Variants in EXOC4 observed in about 807,000 individuals in gnomAD.
The protein encoded by EXOC4 is exocyst complex component 4, also known as SEC8-like 1.
Under a neutral mutation model 107.2 loss-of-function variants are expected in EXOC4, and 71 were observed. That is an observed-to-expected ratio of 0.66 (90% CI 0.55 to 0.81). The LOEUF (loss-of-function observed/expected upper bound fraction) is 0.81, where lower values mean the gene tolerates loss of function less well. Ranked by LOEUF, EXOC4 falls within the 30% of genes least tolerant of loss-of-function variation. EXOC4 has a pLI of 0.00. For synonymous variants in EXOC4, 456 were observed against 441.2 expected (o/e 1.03, Z -0.42); for missense variants, 1,108 against 1,189.6 (o/e 0.93, Z 1.01).
chr7:133,825,125 G>T (rs895143562), intron 11 of EXOC4, among the ~76,000 whole-genome samples: 7 of 151,490 alleles, frequency 4.6e-5, no homozygotes, highest in African/African-American at 1.7e-4. Flanking sequence ...CAAGGTGGGG[G>T]TATTGCTTGA....
intron 16 of EXOC4, among the ~76,000 whole-genome samples, chr7:134,005,834 G>C (rs1794631817): frequency 6.6e-6 from 1 of 152,196 alleles, no homozygotes; most frequent in Non-Finnish European, 1.5e-5. Context: ...CCAAAGGATT[G>C]TGGCAAACTG....
intron 10 of EXOC4, among the ~76,000 whole-genome samples, chr7:133,811,905 A>G (rs1797241078): frequency 6.6e-6 from 1 of 152,206 alleles, no homozygotes. Flanking sequence ...CCTTTTAATT[A>G]TTTTATCCAA....
chr7:133,390,211 T>C (rs1339384981), intron 7 of EXOC4, among the ~76,000 whole-genome samples: 1 of 152,196 alleles, frequency 6.6e-6, no homozygotes, highest in Non-Finnish European at 1.5e-5. Context: ...CAGAAACTCG[T>C]GAGTGAACTG....
the EXOC4 span, among the ~76,000 whole-genome samples, chr7:134,089,768 T>C: frequency 6.6e-6 from 1 of 152,180 alleles, no homozygotes; most frequent in East Asian, 1.9e-4. Context: ...GACAAGAATT[T>C]ACCATATAAG....
chr7:134,096,344 C>G, the EXOC4 span, among the ~76,000 whole-genome samples: 32 of 152,230 alleles, frequency 2.1e-4, no homozygotes, highest in African/African-American at 7.7e-4. Flanking sequence ...GATAGAGGGC[C>G]ATTTATCACA....
At chr7:133,667,149 G>A (rs1234727725) in intron 10 of EXOC4, among the ~76,000 whole-genome samples, 1 of 152,158 alleles carries the variant, frequency 6.6e-6, no homozygotes, top group Non-Finnish European at 1.5e-5. Flanking sequence ...CAGTTTTATT[G>A]CCTTAGCAAT....
chr7:133,407,534 G>T (rs1325166538), intron 7 of EXOC4, among the ~76,000 whole-genome samples: 1 of 152,054 alleles, frequency 6.6e-6, no homozygotes, highest in Non-Finnish European at 1.5e-5. Flanking sequence ...ATGGCCTAAA[G>T]GTAAAAGAAG....
At chr7:133,580,203 A>G (rs985499435) in intron 9 of EXOC4, among the ~76,000 whole-genome samples, 8 of 152,228 alleles carry the variant, frequency 5.3e-5, no homozygotes, top group South Asian at 2.1e-4. Context: ...TCATTCTTCT[A>G]TTGATGGACA....
At chr7:133,340,994 GTATTT>G (rs1795648170) in intron 5 of EXOC4, among the ~76,000 whole-genome samples, 1 of 151,538 alleles carries the variant, frequency 6.6e-6, no homozygotes, top group Non-Finnish European at 1.5e-5. Flanking sequence ...TAATTTTTTT[GTATTT>G]TATTTATTTT....
chr7:133,362,133 G>A (rs1275999358), intron 6 of EXOC4, among the ~76,000 whole-genome samples: 1 of 151,888 alleles, frequency 6.6e-6, no homozygotes, highest in Non-Finnish European at 1.5e-5. Flanking sequence ...TTTTATGAGG[G>A]TATATTTATC....
chr7:134,026,286 T>C (rs1032509537), intron 17 of EXOC4, among the ~76,000 whole-genome samples: 1 of 151,592 alleles, frequency 6.6e-6, no homozygotes, highest in Non-Finnish European at 1.5e-5. Context: ...CCCAGACTTA[T>C]ACTCATAGCT....
chr7:133,589,870 A>C (rs913434166), intron 9 of EXOC4, among the ~76,000 whole-genome samples: 11 of 152,204 alleles, frequency 7.2e-5, no homozygotes, highest in Non-Finnish European at 1.6e-4. Flanking sequence ...ATCTTTACAT[A>C]AAGAATCAAT....
intron 7 of EXOC4, among the ~76,000 whole-genome samples, chr7:133,435,938 A>T (rs983300906): frequency 4.6e-5 from 7 of 151,378 alleles, no homozygotes; most frequent in African/African-American, 1.7e-4. Context: ...ATTTTTTGTG[A>T]TTAAATATTT....
At chr7:133,757,144 C>T (rs1215853250) in intron 10 of EXOC4, among the ~76,000 whole-genome samples, 2 of 152,090 alleles carry the variant, frequency 1.3e-5, no homozygotes, top group African/African-American at 4.8e-5. Context: ...ACCGAAGATG[C>T]CATCCTTTTT....
rs906219690 is a variant in EXOC4 at position 134,007,600 on chromosome 7, C to G, written c.2528-76C>G. The G allele has an allele frequency of 5.2e-5, 72 of 1,388,224 alleles. No individual in the cohort carries two copies. In the African/African-American group the frequency reaches 8.8e-4, roughly 17 times the overall value. 86.0% of individuals were successfully genotyped at this position (1,388,224 alleles called of 1,614,324 possible). A position where few individuals can be genotyped will look rare whatever the true frequency, so the allele number is the denominator to read the frequency against. On this transcript the variant is annotated intron_variant, in intron 16 of 17. Transcript: ENST00000253861. ...TATAGAGGATTAGAAGACAGCAATT[C>G]TGTGTGCAAGTTTCTGCAGGAATGC...
chr7:133,771,116 C>T (rs1194146810), intron 10 of EXOC4, among the ~76,000 whole-genome samples: 2 of 151,918 alleles, frequency 1.3e-5, no homozygotes, highest in Non-Finnish European at 2.9e-5. Flanking sequence ...ACTGAAGTTA[C>T]AGCCAAAGAT....
the EXOC4 span, among the ~76,000 whole-genome samples, chr7:134,084,499 A>G: frequency 7.9e-5 from 12 of 152,148 alleles, no homozygotes; most frequent in African/African-American, 1.2e-4. Flanking sequence ...ATCAGAGAGA[A>G]GGTCCCAAGA....
intron 10 of EXOC4, among the ~76,000 whole-genome samples, chr7:133,700,873 G>C (rs1465108101): frequency 6.6e-6 from 1 of 152,018 alleles, no homozygotes; most frequent in Non-Finnish European, 1.5e-5. Flanking sequence ...GTTTAGTAGT[G>C]TCTGTTGTAA....
chr7:134,058,823 T>G (rs958375859), intron 17 of EXOC4, among the ~76,000 whole-genome samples: 2 of 152,178 alleles, frequency 1.3e-5, no homozygotes, highest in East Asian at 3.8e-4. Context: ...AATACAGGGC[T>G]CAAAAGTCTT....
Sources: allele counts gnomAD v4.1 joint callset (sites outside exome capture counted in the v4.1 genomes callset), GRCh38; gene constraint gnomAD v4.1.1; transcripts MANE v1.5; gene names NCBI Gene and HGNC (gene_info 2026-07-23, HGNC 2026-07-21).